Variants in SPRYD4 observed in about 807,000 individuals in gnomAD.
SPRYD4 encodes SPRY domain-containing protein 4.
A neutral mutation model predicts 16.6 loss-of-function variants in SPRYD4; 12 were observed. That is an observed-to-expected ratio of 0.72 (90% CI 0.46 to 1.17). SPRYD4 has a LOEUF of 1.17. Among genes scored for constraint, SPRYD4 ranks in the 50% most tolerant of loss-of-function variants. The pLI, the probability that SPRYD4 is intolerant of heterozygous loss-of-function variation, is 0.00. For synonymous variants in SPRYD4, 98 were observed against 105.4 expected (o/e 0.93, Z 0.43); for missense variants, 260 against 260.2 (o/e 1.00, Z 0.00).
In SPRYD4 at chr12:56,469,495, G is replaced by A; in HGVS notation, c.542G>A (p.Arg181Gln). 6.2e-7 allele frequency: 1 copy of A among 1,614,144 alleles called. No individual in the cohort carries two copies. The stretch of plus-strand genomic sequence containing the variant: ...GTTCACACGCTACAGACAGATTTCC[G>A]GGGTCCAGTGGTGCCTGCCTTTGCT... The part of the protein sequence containing the change: ...SVVHTLQTDF[R>Q]GPVVPAFALW... Residue 181 changes from arginine (R) to glutamine (Q), a missense_variant, in exon 2 of 2, where the codon CGG (arginine) becomes CAG (glutamine). Transcript: ENST00000338146.
rs575726461 is a variant in SPRYD4, at chr12:56,471,924, G to C, written c.*2347G>C. 61 of 1,438,080 alleles carry C rather than the reference G, an allele frequency of 4.2e-5. No homozygotes were observed. Among genetic ancestry groups the C allele is most frequent in the Middle Eastern group, 4.7e-4 (2 of 4,240 alleles). 89.1% of individuals were successfully genotyped at this position (1,438,080 alleles called of 1,614,324 possible). On this transcript the variant is annotated 3_prime_UTR_variant, in exon 2 of 2. Transcript: ENST00000338146. ...TTAGCCACTGAAGTCTTTACCAAGAGGGGAGGGGAAAAGGCCTCTTCCCAT... is the reference window on the plus strand; with the variant it reads ...TTAGCCACTGAAGTCTTTACCAAGACGGGAGGGGAAAAGGCCTCTTCCCAT...
rs1380146253 is a variant in SPRYD4 at position 56,478,274 on chromosome 12, T to C, written c.*8697T>C. 6.2e-7 allele frequency: 1 copy of C among 1,613,000 alleles called. No individual in the cohort carries two copies. Among genetic ancestry groups the C allele is most frequent in the Non-Finnish European group, 8.5e-7 (1 of 1,179,400 alleles). On this transcript the variant is annotated 3_prime_UTR_variant, in exon 2 of 2. Transcript: ENST00000338146. ...ATGTAGGCTGCCACCTGGACATGAG[T>C]GGGTAGAGAAAAGGGAGATGGATGT...
At position 56,478,986 on chromosome 12, in the gene SPRYD4, GAAAAA is replaced by G. The variant is rs34646954; in HGVS notation, c.*9425_*9429del. On this transcript the variant is annotated 3_prime_UTR_variant, in exon 2 of 2. Coordinates refer to ENST00000338146, the MANE Select transcript of SPRYD4 (RefSeq NM_207344.4). ...GTGACAGAGCAAAACTCTGTCTCAG[GAAAAA>G]AAAAAAAAAAAAAAATCTGGCCCAG... The G allele has an allele frequency of 3.6e-4, 494 of 1,353,462 alleles. No homozygotes were observed. Among genetic ancestry groups the G allele is most frequent in the South Asian group, 9.4e-4 (64 of 68,240 alleles). The allele number at this position is 1,353,462 out of a possible 1,614,324, so 83.8% of individuals were successfully genotyped here. A position where few individuals can be genotyped will look rare whatever the true frequency, so the allele number is the denominator to read the frequency against.
Position 56,478,636 on chromosome 12 carries a change from A to G in SPRYD4, c.*9059A>G, listed in dbSNP as rs2136188543. 3.8e-6 allele frequency: 1 copy of G among 263,168 alleles called. No individual in the cohort carries two copies. The highest frequency in any genetic ancestry group is 7.3e-6 in the Non-Finnish European group (1 of 136,072). 16.3% of individuals were successfully genotyped at this position (263,168 alleles called of 1,614,324 possible). ...TAGAAACACATGAAGCCATGTCACC[A>G]TTTACAGAAGTTCTGCTTCTCATCT... On this transcript the variant is annotated 3_prime_UTR_variant, in exon 2 of 2. Transcript: ENST00000338146.
chr12:56,475,761 T>C lies in SPRYD4; in HGVS notation c.*6184T>C. 4 of 1,508,080 alleles carry C rather than the reference T, an allele frequency of 2.7e-6. No homozygotes were observed. The highest frequency in any genetic ancestry group is 3.7e-6 in the Non-Finnish European group (4 of 1,085,944). 93.4% of individuals were successfully genotyped at this position (1,508,080 alleles called of 1,614,324 possible). A position where few individuals can be genotyped will look rare whatever the true frequency, so the allele number is the denominator to read the frequency against. ...TACCTCACAGGTTGACTAGCCCTTCTGAACTCAGGTCTTGTCAAGAGGCTT... is the reference window on the plus strand; with the variant it reads ...TACCTCACAGGTTGACTAGCCCTTCCGAACTCAGGTCTTGTCAAGAGGCTT... On this transcript the variant is annotated 3_prime_UTR_variant, in exon 2 of 2. Coordinates refer to ENST00000338146, the MANE Select transcript of SPRYD4 (RefSeq NM_207344.4).
In SPRYD4 at chr12:56,472,672, T is replaced by C; in HGVS notation, c.*3095T>C. On this transcript the variant is annotated 3_prime_UTR_variant, in exon 2 of 2. Transcript: ENST00000338146. The stretch of plus-strand genomic sequence containing the variant: ...CCAGGAGTATTTTATTGTGTATATT[T>C]GGTCACAGTAGCATTACCTTCGAAG... The C allele has an allele frequency of 6.2e-7, 1 of 1,610,298 alleles. No homozygotes were observed. The highest frequency in any genetic ancestry group is 1.1e-5 in the South Asian group (1 of 91,004).
rs1403435479 is a variant in SPRYD4 at position 56,479,064 on chromosome 12, G to A, written c.*9487G>A. The A allele has an allele frequency of 1.2e-6, 2 of 1,613,024 alleles. No individual in the cohort carries two copies. Among genetic ancestry groups the A allele is most frequent in the South Asian group, 2.2e-5 (2 of 90,990 alleles). ...CCCTGACTCTCACTTTGCCTCCAGTGAGCTCTTTGACATCCTCAAAGATGC... is the reference window on the plus strand; with the variant it reads ...CCCTGACTCTCACTTTGCCTCCAGTAAGCTCTTTGACATCCTCAAAGATGC... On this transcript the variant is annotated 3_prime_UTR_variant, in exon 2 of 2. Transcript: ENST00000338146.
rs751104669 is a variant in SPRYD4 at position 56,472,739 on chromosome 12, C to T, written c.*3162C>T. On this transcript the variant is annotated 3_prime_UTR_variant, in exon 2 of 2. Coordinates refer to ENST00000338146, the MANE Select transcript of SPRYD4 (RefSeq NM_207344.4). The stretch of plus-strand genomic sequence containing the variant: ...CTATAGGCAGCAAATAACAGGTTGA[C>T]CACAGTCTTGTTCTGGAACACAAAT... 3.7e-6 allele frequency: 6 copies of T among 1,613,722 alleles called. No individual in the cohort carries two copies. The Admixed American group carries it at 1.0e-4, about 27-fold the overall frequency.
chr12:56,475,766 T>C lies in SPRYD4; in HGVS notation c.*6189T>C, dbSNP rs1175070992. The C allele has an allele frequency of 4.0e-6, 6 of 1,486,162 alleles. No individual in the cohort carries two copies. In the African/African-American group the frequency reaches 8.3e-5, roughly 21 times the overall value. 92.1% of individuals were successfully genotyped at this position (1,486,162 alleles called of 1,614,324 possible). On this transcript the variant is annotated 3_prime_UTR_variant, in exon 2 of 2. Transcript: ENST00000338146. Reference sequence around the variant, plus strand: ...CACAGGTTGACTAGCCCTTCTGAACTCAGGTCTTGTCAAGAGGCTTTCCTC... The same window carrying C: ...CACAGGTTGACTAGCCCTTCTGAACCCAGGTCTTGTCAAGAGGCTTTCCTC...
Position 56,478,911 on chromosome 12 carries a change from G to A in SPRYD4, c.*9334G>A. 2 of 1,009,572 alleles carry A rather than the reference G, an allele frequency of 2.0e-6. No individual in the cohort carries two copies. Among genetic ancestry groups the A allele is most frequent in the South Asian group, 3.3e-5 (2 of 60,550 alleles). 62.5% of individuals were successfully genotyped at this position (1,009,572 alleles called of 1,614,324 possible). A position where few individuals can be genotyped will look rare whatever the true frequency, so the allele number is the denominator to read the frequency against. ...AGACAGGAGAATCGCTTGAACCTGG[G>A]AGGTGGAGGTTGCAGTGAGCTGAGA... is the stretch of plus-strand genomic sequence containing the variant. On this transcript the variant is annotated 3_prime_UTR_variant, in exon 2 of 2. Coordinates refer to ENST00000338146, the MANE Select transcript of SPRYD4 (RefSeq NM_207344.4).
At chr12:56,468,869 C>T (rs912121982) in intron 1 of SPRYD4, 170 bp from the exon 2 acceptor site, 1 of 1,035,608 alleles carries the variant, frequency 9.7e-7, no homozygotes, top group African/African-American at 1.6e-5. Context: ...AGTTTTTCAG[C>T]TCCGTGAGCT....
chr12:56,474,397 C>A lies in SPRYD4; in HGVS notation c.*4820C>A. On this transcript the variant is annotated 3_prime_UTR_variant, in exon 2 of 2. Transcript: ENST00000338146. ...AGGAACTTGGTGTTTTTGAGAAACT[C>A]GTCTAAGGAGTCTCAACCTAATTGC... The A allele has an allele frequency of 1.1e-6, 1 of 924,220 alleles. No individual in the cohort carries two copies. Among genetic ancestry groups the A allele is most frequent in the Non-Finnish European group, 1.6e-6 (1 of 621,344 alleles). The allele number at this position is 924,220 out of a possible 1,614,324, so 57.3% of individuals were successfully genotyped here. A position where few individuals can be genotyped will look rare whatever the true frequency, so the allele number is the denominator to read the frequency against.
Position 56,478,982 on chromosome 12 carries a change from T to G in SPRYD4, c.*9405T>G. 6.9e-7 allele frequency: 1 copy of G among 1,442,632 alleles called. No homozygotes were observed. Among genetic ancestry groups the G allele is most frequent in the Non-Finnish European group, 9.2e-7 (1 of 1,082,142 alleles). 89.4% of individuals were successfully genotyped at this position (1,442,632 alleles called of 1,614,324 possible). ...CCGGGTGACAGAGCAAAACTCTGTCTCAGGAAAAAAAAAAAAAAAAAAAAT... is the reference window on the plus strand; with the variant it reads ...CCGGGTGACAGAGCAAAACTCTGTCGCAGGAAAAAAAAAAAAAAAAAAAAT... On this transcript the variant is annotated 3_prime_UTR_variant, in exon 2 of 2. Coordinates refer to ENST00000338146, the MANE Select transcript of SPRYD4 (RefSeq NM_207344.4).
Position 56,472,343 on chromosome 12 carries a change from A to G in SPRYD4, c.*2766A>G, listed in dbSNP as rs374624577. The G allele has an allele frequency of 8.8e-6, 6 of 679,438 alleles. No individual in the cohort carries two copies. Among genetic ancestry groups the G allele is most frequent in the East Asian group, 5.3e-5 (2 of 37,730 alleles). 42.1% of individuals were successfully genotyped at this position (679,438 alleles called of 1,614,324 possible). On this transcript the variant is annotated 3_prime_UTR_variant, in exon 2 of 2. Transcript: ENST00000338146. The stretch of plus-strand genomic sequence containing the variant: ...GTTGGCTCTGAATAATCTTTTTTCC[A>G]TATCCAGATGAGACTGTTATACTCA...
rs373024442 is a variant in SPRYD4 at position 56,469,547 on chromosome 12, T to C, written c.594T>C (p.His198=). The C allele has an allele frequency of 9.9e-6, 16 of 1,613,796 alleles. No individual in the cohort carries two copies. In the African/African-American group the frequency reaches 1.9e-4, roughly 19 times the overall value. Residue 198 remains histidine (H), a synonymous_variant, in exon 2 of 2, where the codon CAT becomes CAC. Transcript: ENST00000338146. ...FALWDGELLT[H]SGLEVPEGL ...TCTGGGATGGGGAGCTGCTGACCCA[T>C]TCAGGGCTTGAGGTGCCCGAGGGCC...
At position 56,474,234 on chromosome 12, in the gene SPRYD4, T is replaced by C; in HGVS notation, c.*4657T>C. On this transcript the variant is annotated 3_prime_UTR_variant, in exon 2 of 2. Coordinates refer to ENST00000338146, the MANE Select transcript of SPRYD4 (RefSeq NM_207344.4). ...CCTCCCAAGTAGCTGGGATTACAGG[T>C]GCACACCACCACCCCCGGCTAATTT... 1 of 353,134 alleles carries C rather than the reference T, an allele frequency of 2.8e-6. No individual in the cohort carries two copies. The highest frequency in any genetic ancestry group is 9.6e-4 in the Middle Eastern group (1 of 1,044). The allele number at this position is 353,134 out of a possible 1,614,324, so 21.9% of individuals were successfully genotyped here. A position where few individuals can be genotyped will look rare whatever the true frequency, so the allele number is the denominator to read the frequency against.
Position 56,477,886 on chromosome 12 carries a change from G to A in SPRYD4, c.*8309G>A. ...GGCTGGGAGATGGGGTGGGGATAAG[G>A]AGAAGGGGACAGCTGTAAGTACGGT... On this transcript the variant is annotated 3_prime_UTR_variant, in exon 2 of 2. Transcript: ENST00000338146. 6.3e-7 allele frequency: 1 copy of A among 1,587,962 alleles called. No individual in the cohort carries two copies. Among genetic ancestry groups the A allele is most frequent in the Non-Finnish European group, 8.6e-7 (1 of 1,165,268 alleles).
rs780610830 is a variant in SPRYD4 at position 56,469,029 on chromosome 12, C to T, written c.86-10C>T. On this transcript the variant is annotated splice_polypyrimidine_tract_variant and intron_variant, in intron 1 of 1. Coordinates refer to ENST00000338146, the MANE Select transcript of SPRYD4 (RefSeq NM_207344.4). ...CCTGTTATTATCCCGTCTTTTTGCT[C>T]TGCCCGCAGGCGTCAGTTTCAAACT... is the stretch of plus-strand genomic sequence containing the variant. The T allele has an allele frequency of 1.9e-5, 30 of 1,543,210 alleles. No homozygotes were observed. In the East Asian group the frequency reaches 5.6e-4, roughly 29 times the overall value.
In SPRYD4 at chr12:56,469,568, G is replaced by A; in HGVS notation, c.615G>A (p.Glu205=). The A allele has an allele frequency of 6.2e-7, 1 of 1,613,208 alleles. No individual in the cohort carries two copies. The highest frequency in any genetic ancestry group is 8.5e-7 in the Non-Finnish European group (1 of 1,179,568). The stretch of plus-strand genomic sequence containing the variant: ...CCCATTCAGGGCTTGAGGTGCCCGA[G>A]GGCCTCTAGTATGTCCATTACTGGA... The part of the protein sequence containing the change: ...LLTHSGLEVP[E]GL Residue 205 remains glutamate, a synonymous_variant, in exon 2 of 2, where the codon GAG becomes GAA. Coordinates refer to ENST00000338146, the MANE Select transcript of SPRYD4 (RefSeq NM_207344.4).
Sources: allele counts gnomAD v4.1 joint callset, GRCh38; gene constraint gnomAD v4.1.1; transcripts MANE v1.5; gene names NCBI Gene and HGNC (gene_info 2026-07-23, HGNC 2026-07-21).